The following BTRC variants were observed in gnomAD, a reference collection of about 807,000 sequenced individuals.
BTRC encodes beta-transducin repeat containing E3 ubiquitin protein ligase.
Under a neutral mutation model 85.5 loss-of-function variants are expected in BTRC, and 42 were observed. That is an observed-to-expected ratio of 0.49 (90% CI 0.38 to 0.64). BTRC has a LOEUF of 0.64. Ranked by LOEUF, BTRC falls within the 30% of genes least tolerant of loss-of-function variation. BTRC has a pLI of 0.00. For synonymous variants in BTRC, 255 were observed against 263.3 expected (o/e 0.97, Z 0.30); for missense variants, 594 against 743.5 (o/e 0.80, Z 2.34).
intron 4 of BTRC, among the ~76,000 whole-genome samples, chr10:101,506,964 T>C (rs1260124131): frequency 6.6e-6 from 1 of 152,254 alleles, no homozygotes; most frequent in Non-Finnish European, 1.5e-5. Context: ...CTCCTAGATA[T>C]AGTTCATACC....
chr10:101,367,027 TATATTTATATATATAA>T (rs1247920373), intron 1 of BTRC, among the ~76,000 whole-genome samples: 2 of 62,288 alleles, frequency 3.2e-5, no homozygotes, highest in Non-Finnish European at 6.8e-5. Context: ...TTTATATTTA[TATATTTATATATATAA>T]ATATATATAT....
chr10:101,425,026 C>T (rs967798810), intron 1 of BTRC, among the ~76,000 whole-genome samples: 1 of 152,038 alleles, frequency 6.6e-6, no homozygotes, highest in Non-Finnish European at 1.5e-5. Context: ...GGTTTTGTTC[C>T]TATGTATAAG....
intron 1 of BTRC, among the ~76,000 whole-genome samples, chr10:101,409,101 C>T (rs1943707689): frequency 6.6e-6 from 1 of 152,070 alleles, no homozygotes; most frequent in African/African-American, 2.4e-5. Flanking sequence ...AGGTAAAGTT[C>T]ACATAATATA....
At chr10:101,546,657 A>G (rs1409844105) in intron 13 of BTRC, among the ~76,000 whole-genome samples, 2 of 152,204 alleles carry the variant, frequency 1.3e-5, no homozygotes. Flanking sequence ...ATTAAATTCA[A>G]AGTAAGTAGA....
intron 3 of BTRC, among the ~76,000 whole-genome samples, chr10:101,473,326 T>A (rs1447673250): frequency 2.0e-5 from 3 of 151,786 alleles, no homozygotes; most frequent in Admixed American, 2.0e-4. Flanking sequence ...ACTCTGTTGC[T>A]CAGGCTGAAG....
chr10:101,454,000 A>G (rs1321726803), intron 2 of BTRC, among the ~76,000 whole-genome samples: 1 of 152,262 alleles, frequency 6.6e-6, no homozygotes, highest in Non-Finnish European at 1.5e-5. Context: ...TTGCAAAAAT[A>G]TGTGTCAGGC....
At chr10:101,504,447 A>G (rs1314987094) in intron 4 of BTRC, among the ~76,000 whole-genome samples, 1 of 150,256 alleles carries the variant, frequency 6.7e-6, no homozygotes, top group African/African-American at 2.5e-5. Flanking sequence ...ATCTCCCTCC[A>G]TCTCTTCCCC....
chr10:101,362,851 A>G (rs1303388709), intron 1 of BTRC, among the ~76,000 whole-genome samples: 1 of 152,246 alleles, frequency 6.6e-6, no homozygotes, highest in Non-Finnish European at 1.5e-5. Context: ...CAATATAACA[A>G]TAAAAGTGGG....
chr10:101,521,629 C>G lies in BTRC; in HGVS notation c.325-10C>G, dbSNP rs373557817. ...AATCATTTTATGTTTCTTTTAACCCCCTTCTACAGACAAAACTTGCCAATG... is the reference window on the plus strand; with the variant it reads ...AATCATTTTATGTTTCTTTTAACCCGCTTCTACAGACAAAACTTGCCAATG... On this transcript the variant is annotated splice_polypyrimidine_tract_variant and intron_variant, in intron 4 of 14. Coordinates refer to ENST00000370187, the MANE Select transcript of BTRC (RefSeq NM_033637.4). 11 of 1,599,482 alleles carry G rather than the reference C, an allele frequency of 6.9e-6. No individual in the cohort carries two copies. Among genetic ancestry groups the G allele is most frequent in the Non-Finnish European group, 8.6e-6 (10 of 1,168,168 alleles).
chr10:101,501,793 G>T (rs1946406194), intron 4 of BTRC, among the ~76,000 whole-genome samples: 1 of 152,138 alleles, frequency 6.6e-6, no homozygotes, highest in Admixed American at 6.5e-5. Flanking sequence ...AAGGATACAA[G>T]TCCTAATTTT....
chr10:101,507,357 A>C (rs187514322), intron 4 of BTRC, among the ~76,000 whole-genome samples: 1 of 152,154 alleles, frequency 6.6e-6, no homozygotes, highest in East Asian at 1.9e-4. Context: ...TTATCTTACA[A>C]TTTGCCAGGG....
chr10:101,484,743 A>C (rs1945937817), intron 4 of BTRC, among the ~76,000 whole-genome samples: 1 of 152,220 alleles, frequency 6.6e-6, no homozygotes, highest in African/African-American at 2.4e-5. Context: ...TGGTTGGAAA[A>C]ACTGTGGAGT....
In BTRC at chr10:101,471,258, CCCT is replaced by C. The variant is rs1286570213; in HGVS notation, c.235-8106_235-8104del. On this transcript the variant is annotated intron_variant, in intron 3 of 14. Coordinates refer to ENST00000370187, the MANE Select transcript of BTRC (RefSeq NM_033637.4). ...CTGTGAGGGGCTGGGTGTGGTGGCT[CCCT>C]CCTGTAATCCCAACACTTTGGGAGG... Among the ~76,000 whole-genome samples the C allele has an allele frequency of 3.3e-5, 5 of 152,230 alleles. No individual in the cohort carries two copies. In the East Asian group the frequency reaches 9.6e-4, roughly 29 times the overall value.
At chr10:101,521,528 A>T in intron 4 of BTRC, 111 bp from the exon 5 acceptor site, 1 of 749,934 alleles carries the variant, frequency 1.3e-6, no homozygotes, top group East Asian at 2.7e-5. Flanking sequence ...AGAATAACAG[A>T]GTGGGCTCAA....
intron 1 of BTRC, among the ~76,000 whole-genome samples, chr10:101,424,893 A>G (rs544798655): frequency 6.6e-6 from 1 of 152,298 alleles, no homozygotes; most frequent in Admixed American, 6.5e-5. Flanking sequence ...GTCTGAGTGA[A>G]TCTCACCCAG....
At chr10:101,372,323 C>T (rs1025458891) in intron 1 of BTRC, among the ~76,000 whole-genome samples, 1 of 150,496 alleles carries the variant, frequency 6.6e-6, no homozygotes, top group African/African-American at 2.4e-5. Flanking sequence ...GTGGCGCAAT[C>T]TTGGCTCACT....
chr10:101,462,864 A>C (rs1055905079), intron 3 of BTRC, among the ~76,000 whole-genome samples: 4 of 151,618 alleles, frequency 2.6e-5, no homozygotes, highest in African/African-American at 9.7e-5. Context: ...TATTTTTATT[A>C]TTTTATTTTA....
chr10:101,503,859 G>A (rs957991794), intron 4 of BTRC, among the ~76,000 whole-genome samples: 1 of 152,146 alleles, frequency 6.6e-6, no homozygotes, highest in Admixed American at 6.5e-5. Flanking sequence ...AAGTTGTTGA[G>A]GCCTTTTTAT....
Position 101,479,416 on chromosome 10 carries a change from T to G in BTRC, c.283T>G (p.Leu95Val), listed in dbSNP as rs781151619. 5 of 1,613,516 alleles carry G rather than the reference T, an allele frequency of 3.1e-6. No individual in the cohort carries two copies. In the Admixed American group the frequency reaches 8.3e-5, roughly 27 times the overall value. ...CTGCTTAAACCAAGAAACAGTATGT[T>G]TAGCAAGCACTGCTATGAAGACTGA... ...RLCLNQETVC[L>V]ASTAMKTENC... is the part of the protein sequence containing the mutation. Residue 95 changes from leucine to valine, a missense_variant, in exon 4 of 15, where the codon TTA becomes GTA. Around this residue, in one of 4 missense-constraint regions of BTRC, gnomAD observed 163 missense variants for 180.5 expected, o/e 0.90. Transcript: ENST00000370187.
Sources: gnomAD v4.1 joint callset for allele counts (sites outside exome capture counted in the v4.1 genomes callset) on GRCh38, gnomAD v4.1.1 for gene constraint, gnomAD v4.1.1 regional missense constraint, MANE v1.5 for transcripts, NCBI Gene and HGNC (gene_info 2026-07-23, HGNC 2026-07-21) for gene names.